The following GRM8 variants were observed in gnomAD, a reference collection of about 807,000 sequenced individuals.
GRM8 encodes metabotropic glutamate receptor 8.
A neutral mutation model predicts 87.2 loss-of-function variants in GRM8; 47 were observed. The ratio of observed to expected loss-of-function variants is 0.54; its 90% CI spans 0.43 to 0.69. The LOEUF (loss-of-function observed/expected upper bound fraction) is 0.69. Ranked by LOEUF, GRM8 falls within the 30% of genes least tolerant of loss-of-function variation. GRM8 has a pLI of 0.00. For missense variants in GRM8, 1,019 were observed against 1,139.2 expected, an observed-to-expected ratio of 0.89 and a Z score of 1.52; for synonymous variants, 396 against 404.5, an observed-to-expected ratio of 0.98 and a Z score of 0.25.
intron 6 of GRM8, among the ~76,000 whole-genome samples, chr7:126,850,076 G>A (rs774262326): frequency 2.6e-5 from 4 of 152,070 alleles, no homozygotes; most frequent in Non-Finnish European, 5.9e-5. Context: ...GCCGCCTCCA[G>A]TTTCTCTTCC....
chr7:127,144,494 C>T (rs539161251), intron 2 of GRM8, among the ~76,000 whole-genome samples: 1 of 152,034 alleles, frequency 6.6e-6, no homozygotes, highest in Non-Finnish European at 1.5e-5. Context: ...ACACAATCAG[C>T]ATATGTTTAT....
chr7:126,696,051 C>A (rs1400265666), intron 7 of GRM8, among the ~76,000 whole-genome samples: 9 of 151,998 alleles, frequency 5.9e-5, no homozygotes, highest in African/African-American at 1.9e-4. Context: ...AATGTGATGA[C>A]GTTCACAGAA....
At chr7:126,923,398 T>C (rs1319447330) in intron 3 of GRM8, among the ~76,000 whole-genome samples, 2 of 152,222 alleles carry the variant, frequency 1.3e-5, no homozygotes, top group Non-Finnish European at 2.9e-5. Flanking sequence ...TCAAAGGTTC[T>C]TTTCAGATAT....
intron 2 of GRM8, among the ~76,000 whole-genome samples, chr7:127,169,585 C>A (rs1582253): frequency 0.2 from 29,622 of 151,856 alleles, 3,347 homozygotes; most frequent in Middle Eastern, 0.3. Flanking sequence ...GCTGAAACAG[C>A]CTTCTATTGG....
chr7:127,205,724 T>C (rs923915855), intron 2 of GRM8, among the ~76,000 whole-genome samples: 1 of 152,172 alleles, frequency 6.6e-6, no homozygotes, highest in African/African-American at 2.4e-5. Context: ...TACAGTTGGT[T>C]ACCTCGGCCC....
At chr7:126,678,929 T>C (rs1807265979) in intron 7 of GRM8, among the ~76,000 whole-genome samples, 1 of 152,264 alleles carries the variant, frequency 6.6e-6, no homozygotes, top group African/African-American at 2.4e-5. Flanking sequence ...TGTCTAAAAC[T>C]CTTGTAAATC....
chr7:126,793,612 G>C (rs933643788), intron 6 of GRM8, among the ~76,000 whole-genome samples: 1 of 152,166 alleles, frequency 6.6e-6, no homozygotes, highest in Non-Finnish European at 1.5e-5. Context: ...AACAGAACTA[G>C]GACTTGAAAG....
chr7:127,087,795 C>A (rs1823666017), intron 3 of GRM8, among the ~76,000 whole-genome samples: 1 of 152,070 alleles, frequency 6.6e-6, no homozygotes, highest in Non-Finnish European at 1.5e-5. Context: ...AATGAAGAAT[C>A]TAAAAATTTA....
intron 9 of GRM8, among the ~76,000 whole-genome samples, chr7:126,449,932 T>C (rs896094890): frequency 6.6e-5 from 10 of 151,858 alleles, no homozygotes; most frequent in Admixed American, 5.3e-4. Context: ...GCTTGTTACT[T>C]ACTCTGCCTC....
At position 126,601,825 on chromosome 7, in the gene GRM8, C is replaced by G. The variant is rs1431811547; in HGVS notation, c.1494+7537G>C. 1.2e-3 allele frequency among the ~76,000 whole-genome samples: 166 copies of G among 140,062 alleles called. 3 individuals are homozygous for G. Among genetic ancestry groups the G allele is most frequent in the African/African-American group, 2.2e-3 (84 of 38,940 alleles). 91.9% of individuals were successfully genotyped at this position (140,062 alleles called of 152,430 possible). A position where few individuals can be genotyped will look rare whatever the true frequency, so the allele number is the denominator to read the frequency against. On this transcript the variant is annotated intron_variant, in intron 8 of 10. Transcript: ENST00000339582. ...TTGTTTGAGTTCATTGTAGATTCTG[C>G]ATATTAGCCCTTTGTCAGATGAGTA...
In GRM8 at chr7:126,904,665, T is replaced by G. The variant is rs758421393; in HGVS notation, c.746A>C (p.Gln249Pro). 1 of 1,613,764 alleles carries G rather than the reference T, an allele frequency of 6.2e-7. No homozygotes were observed. Among genetic ancestry groups the G allele is most frequent in the Admixed American group, 1.7e-5 (1 of 60,020 alleles). The change falls in exon 4 of 11, where the codon CAG (glutamine) becomes CCG (proline). Residue 249 changes from glutamine (Q) to proline (P), a missense_variant. Coordinates refer to ENST00000339582, the MANE Select transcript of GRM8 (RefSeq NM_000845.3). The part of the protein sequence containing the change: ...SREIGGVCIA[Q>P]SQKIPREPRP... ...TGGTTCACGTGGGATTTTCTGTGAC[T>G]GAGCAATGCAAACACCACCTATTTA... is the stretch of plus-strand genomic sequence containing the variant.
intron 3 of GRM8, among the ~76,000 whole-genome samples, chr7:126,988,630 C>A (rs1185897427): frequency 6.6e-6 from 1 of 152,084 alleles, no homozygotes; most frequent in Non-Finnish European, 1.5e-5. Context: ...GTTAGTAATT[C>A]CCAGATTTTT....
chr7:127,012,114 C>T (rs376299616), intron 3 of GRM8, among the ~76,000 whole-genome samples: 3 of 152,240 alleles, frequency 2.0e-5, no homozygotes, highest in East Asian at 3.9e-4. Flanking sequence ...ACTGTCAACT[C>T]ACCTGGATTC....
intron 8 of GRM8, among the ~76,000 whole-genome samples, chr7:126,590,100 T>C (rs555524054): frequency 1.5e-5 from 2 of 133,424 alleles, no homozygotes; most frequent in African/African-American, 5.7e-5. Context: ...CAGAGAAAGG[T>C]GAAGTCCAAT....
At chr7:126,474,044 A>C (rs958962635) in intron 9 of GRM8, among the ~76,000 whole-genome samples, 3 of 152,084 alleles carry the variant, frequency 2.0e-5, no homozygotes, top group African/African-American at 7.2e-5. Flanking sequence ...CTAATGTATC[A>C]TTTTTATATT....
At chr7:126,495,960 T>C (rs1445820955) in intron 9 of GRM8, among the ~76,000 whole-genome samples, 1 of 151,894 alleles carries the variant, frequency 6.6e-6, no homozygotes, top group African/African-American at 2.4e-5. Flanking sequence ...TACTTCAGAG[T>C]AGAAGCTCAA....
intron 9 of GRM8, among the ~76,000 whole-genome samples, chr7:126,498,218 T>G (rs1809070924): frequency 6.6e-6 from 1 of 151,942 alleles, no homozygotes; most frequent in South Asian, 2.1e-4. Flanking sequence ...TGCAAGTACT[T>G]TAAGAAACTC....
At chr7:126,501,808 T>C (rs963977178) in intron 9 of GRM8, among the ~76,000 whole-genome samples, 2 of 151,844 alleles carry the variant, frequency 1.3e-5, no homozygotes, top group African/African-American at 4.8e-5. Context: ...TGAGTGTCAA[T>C]GGGGTCCAGG....
chr7:126,901,130 C>G (rs1218164439), intron 6 of GRM8, among the ~76,000 whole-genome samples: 1 of 152,152 alleles, frequency 6.6e-6, no homozygotes, highest in Non-Finnish European at 1.5e-5. Flanking sequence ...CTTGCTCCAA[C>G]CTCCCTGAAC....
Sources: allele counts gnomAD v4.1 joint callset (sites outside exome capture counted in the v4.1 genomes callset), GRCh38; gene constraint gnomAD v4.1.1; transcripts MANE v1.5; gene names NCBI Gene and HGNC (gene_info 2026-07-23, HGNC 2026-07-21).